TBCK: variants seen among roughly 807,000 people sequenced by gnomAD.
TBCK encodes the protein TBC domain-containing protein kinase-like protein.
Under a neutral mutation model 113.4 loss-of-function variants are expected in TBCK, and 99 were observed. The ratio of observed to expected loss-of-function variants is 0.87; its 90% CI spans 0.74 to 1.03. TBCK has a LOEUF of 1.03. Among genes scored for constraint, TBCK ranks in the 50% least tolerant of loss-of-function variants. The pLI is 0.00. For synonymous variants in TBCK, 369 were observed against 370.8 expected (o/e 1.00, Z 0.05); for missense variants, 1,045 against 1,061.3 (o/e 0.98, Z 0.21).
chr4:106,176,200 T>A (rs1393343209), intron 22 of TBCK, among the ~76,000 whole-genome samples: 1 of 152,126 alleles, frequency 6.6e-6, no homozygotes, highest in East Asian at 1.9e-4. Flanking sequence ...CTAGCTATTT[T>A]GAAATATATA....
At chr4:106,111,870 C>T (rs1742901780) in intron 24 of TBCK, among the ~76,000 whole-genome samples, 1 of 152,120 alleles carries the variant, frequency 6.6e-6, no homozygotes, top group African/African-American at 2.4e-5. Flanking sequence ...ACTGGATTTG[C>T]CCCACCTTGG....
At chr4:106,165,637 CTG>C (rs931992408) in intron 23 of TBCK, among the ~76,000 whole-genome samples, 12 of 151,690 alleles carry the variant, frequency 7.9e-5, no homozygotes, top group African/African-American at 2.4e-4. Flanking sequence ...AAAAAATTAA[CTG>C]TTAATTACTA....
chr4:106,161,795 G>C lies in TBCK; in HGVS notation c.2235+9300C>G, dbSNP rs910527228. On this transcript the variant is annotated intron_variant, in intron 23 of 25. Transcript: ENST00000394708. The stretch of plus-strand genomic sequence containing the variant: ...CAAAAAAAGAGAGAAGTTTGGGCTG[G>C]AGCTAATAACCGGAAGCCATGGTAA... 5.0e-4 allele frequency among the ~76,000 whole-genome samples: 76 copies of C among 151,876 alleles called. 2 individuals carry two copies. Among genetic ancestry groups the C allele is most frequent in the Admixed American group, 5.0e-3 (76 of 15,226 alleles).
intron 22 of TBCK, among the ~76,000 whole-genome samples, chr4:106,187,538 T>C (rs1406534668): frequency 2.6e-5 from 4 of 152,128 alleles, no homozygotes; most frequent in Non-Finnish European, 4.4e-5. Flanking sequence ...TGCCTCAGCC[T>C]CCTGAGTAGC....
chr4:106,203,517 T>C (rs1755112838), intron 20 of TBCK, among the ~76,000 whole-genome samples: 2 of 151,812 alleles, frequency 1.3e-5, no homozygotes, highest in South Asian at 2.1e-4. Context: ...ATATTAGTTA[T>C]ATCTTTTACA....
chr4:106,220,321 G>A lies in TBCK; in HGVS notation c.1775-7486C>T, dbSNP rs372750989. On this transcript the variant is annotated intron_variant, in intron 19 of 25. Coordinates refer to ENST00000394708, the MANE Select transcript of TBCK (RefSeq NM_001163435.3). Reference sequence around the variant, plus strand: ...TGCTTCTTCCTCATCTTCTCCTGCCGCTGCCATGTAAGAAGTGCCTTTTGC... The same window carrying A: ...TGCTTCTTCCTCATCTTCTCCTGCCACTGCCATGTAAGAAGTGCCTTTTGC... Among the ~76,000 whole-genome samples, 31 of 152,202 alleles carry A rather than the reference G, an allele frequency of 2.0e-4. No individual in the cohort carries two copies. The South Asian group carries it at 6.0e-3, about 30-fold the overall frequency.
At chr4:106,273,985 C>T (rs1250015671) in intron 3 of TBCK, among the ~76,000 whole-genome samples, 1 of 152,180 alleles carries the variant, frequency 6.6e-6, no homozygotes, top group Non-Finnish European at 1.5e-5. Flanking sequence ...CAAGTGTCAC[C>T]TCATCAGAAT....
At chr4:106,304,384 A>G (rs6816698) in intron 2 of TBCK, among the ~76,000 whole-genome samples, 20,551 of 152,162 alleles carry the variant, frequency 0.14, 1,639 homozygotes, top group South Asian at 0.23. Context: ...TCAGATCCTC[A>G]TACCAAATAA....
intron 23 of TBCK, among the ~76,000 whole-genome samples, chr4:106,159,554 A>G (rs1337702098): frequency 6.6e-6 from 1 of 152,122 alleles, no homozygotes; most frequent in Non-Finnish European, 1.5e-5. Context: ...AAGGAATAAA[A>G]TACTTAGGAA....
intron 22 of TBCK, among the ~76,000 whole-genome samples, chr4:106,183,152 C>G (rs1040030147): frequency 1.3e-5 from 2 of 152,060 alleles, no homozygotes; most frequent in Non-Finnish European, 2.9e-5. Flanking sequence ...GACAGCTGCT[C>G]TCTTTCTACT....
At chr4:106,220,720 A>G (rs1201814758) in intron 19 of TBCK, among the ~76,000 whole-genome samples, 1 of 152,164 alleles carries the variant, frequency 6.6e-6, no homozygotes, top group Non-Finnish European at 1.5e-5. Context: ...TCTCTGCACA[A>G]AAAAGGTACA....
chr4:106,161,034 G>A (rs1749719436), intron 23 of TBCK, among the ~76,000 whole-genome samples: 1 of 151,990 alleles, frequency 6.6e-6, no homozygotes, highest in Non-Finnish European at 1.5e-5. Context: ...TTGTGGTTGT[G>A]GAGAGGAGGG....
At chr4:106,261,096 G>A (rs1762464691) in intron 4 of TBCK, among the ~76,000 whole-genome samples, 1 of 151,900 alleles carries the variant, frequency 6.6e-6, no homozygotes, top group African/African-American at 2.4e-5. Flanking sequence ...CATATTTTAA[G>A]TTTTTCCCTT....
At chr4:106,285,053 T>A (rs1764981138) in intron 3 of TBCK, among the ~76,000 whole-genome samples, 1 of 152,162 alleles carries the variant, frequency 6.6e-6, no homozygotes, top group South Asian at 2.1e-4. Context: ...TTTGATCATT[T>A]AACTTAAACT....
intron 25 of TBCK, among the ~76,000 whole-genome samples, chr4:106,054,103 C>A (rs1330766370): frequency 6.6e-6 from 1 of 151,708 alleles, no homozygotes; most frequent in African/African-American, 2.4e-5. Flanking sequence ...TAACCTGTCA[C>A]AAAGCATTTT....
chr4:106,286,642 C>T (rs1480596814), intron 3 of TBCK, among the ~76,000 whole-genome samples: 4 of 152,010 alleles, frequency 2.6e-5, no homozygotes, highest in African/African-American at 9.7e-5. Context: ...GCCTAGGCAA[C>T]ATAATGAGAC....
At chr4:106,102,818 G>A (rs1451500564) in intron 24 of TBCK, among the ~76,000 whole-genome samples, 4 of 152,134 alleles carry the variant, frequency 2.6e-5, no homozygotes, top group African/African-American at 9.7e-5. Context: ...AGGAAAAGGT[G>A]TTAGAGAAAG....
intron 2 of TBCK, among the ~76,000 whole-genome samples, chr4:106,299,111 G>T (rs1213899356): frequency 6.6e-6 from 1 of 152,178 alleles, no homozygotes; most frequent in East Asian, 1.9e-4. Context: ...GTACATCACA[G>T]GAGCCTAGTG....
intron 25 of TBCK, among the ~76,000 whole-genome samples, chr4:106,065,804 G>A (rs532559055): frequency 1.3e-5 from 2 of 152,072 alleles, no homozygotes; most frequent in African/African-American, 2.4e-5. Context: ...CTGACAAGTG[G>A]GATTTAGCAA....
Sources: gnomAD v4.1 joint callset for allele counts (sites outside exome capture counted in the v4.1 genomes callset) on GRCh38, gnomAD v4.1.1 for gene constraint, MANE v1.5 for transcripts, NCBI Gene and HGNC (gene_info 2026-07-23, HGNC 2026-07-21) for gene names.